DCLK1: variants seen among roughly 807,000 people sequenced by gnomAD.
The protein encoded by DCLK1 is serine/threonine-protein kinase DCLK1.
DCLK1 carries 16 observed loss-of-function variants against 86.2 expected under a neutral mutation model. The ratio of observed to expected loss-of-function variants is 0.19; its 90% confidence interval spans 0.13 to 0.28. The LOEUF (loss-of-function observed/expected upper bound fraction) is 0.28, where lower values mean the gene tolerates loss of function less well. Ranked by LOEUF, DCLK1 falls within the 10% of genes least tolerant of loss-of-function variation. The pLI is 1.00. For synonymous variants in DCLK1, 369 were observed against 370.5 expected (o/e 1.00, Z 0.05); for missense variants, 590 against 940.2 (o/e 0.63, Z 4.87).
chr13:36,072,347 G>A (rs137926247), intron 3 of DCLK1, among the ~76,000 whole-genome samples: 109 of 152,206 alleles, frequency 7.2e-4, no homozygotes, highest in African/African-American at 2.4e-3. Context: ...TTCTTTATAC[G>A]GGTGCCCTTT....
intron 3 of DCLK1, among the ~76,000 whole-genome samples, chr13:36,020,847 C>G (rs1420694515): frequency 6.6e-6 from 1 of 152,100 alleles, no homozygotes; most frequent in East Asian, 1.9e-4. Flanking sequence ...TCATGCCTTA[C>G]AGGAAACACT....
chr13:36,072,570 G>A (rs1258501863), intron 3 of DCLK1, among the ~76,000 whole-genome samples: 2 of 152,146 alleles, frequency 1.3e-5, no homozygotes, highest in African/African-American at 2.4e-5. Flanking sequence ...AACTTCTCTG[G>A]TACAACTAAC....
At chr13:35,958,108 C>CCAT (rs1205907537) in intron 3 of DCLK1, among the ~76,000 whole-genome samples, 4 of 137,166 alleles carry the variant, frequency 2.9e-5, no homozygotes, top group African/African-American at 8.9e-5. Flanking sequence ...GCTATAACCA[C>CCAT]CATCACCACC....
At chr13:35,842,083 GCCAGGCATGGTGGCGGGTGT>G (rs1481594302) in intron 6 of DCLK1, among the ~76,000 whole-genome samples, 1 of 151,712 alleles carries the variant, frequency 6.6e-6, no homozygotes, top group Non-Finnish European at 1.5e-5. Flanking sequence ...AAAAAAATTA[GCCAGGCATGGTGGCGGGTGT>G]CTGTAGTCCC....
intron 3 of DCLK1, among the ~76,000 whole-genome samples, chr13:36,088,978 T>C (rs374275240): frequency 1.3e-5 from 2 of 152,234 alleles, no homozygotes; most frequent in Non-Finnish European, 2.9e-5. Context: ...AAAAAACAGA[T>C]GAAATACCAA....
intron 3 of DCLK1, among the ~76,000 whole-genome samples, chr13:35,993,461 C>T (rs1367774869): frequency 6.6e-6 from 1 of 152,184 alleles, no homozygotes; most frequent in African/African-American, 2.4e-5. Flanking sequence ...CCACCAAAAT[C>T]TGCTGACAGA....
intron 3 of DCLK1, among the ~76,000 whole-genome samples, chr13:36,071,100 C>A (rs911024418): frequency 1.3e-5 from 2 of 152,132 alleles, no homozygotes; most frequent in Admixed American, 1.3e-4. Flanking sequence ...CATTTCTATT[C>A]TTCTGCTTGT....
At chr13:35,907,447 G>A (rs911748187) in intron 4 of DCLK1, among the ~76,000 whole-genome samples, 1 of 150,862 alleles carries the variant, frequency 6.6e-6, no homozygotes, top group East Asian at 1.9e-4. Flanking sequence ...ACAGGCCTAA[G>A]CCACTGTCCC....
chr13:35,910,809 A>G lies in DCLK1; in HGVS notation c.823+36549T>C, dbSNP rs142906734. ...GGAATTTGAGGTGGCAAAAAAGAAGAGCATCCTTCACACAAACCTGCTATC... is the reference window on the plus strand; with the variant it reads ...GGAATTTGAGGTGGCAAAAAAGAAGGGCATCCTTCACACAAACCTGCTATC... On this transcript the variant is annotated intron_variant, in intron 4 of 16. Transcript: ENST00000360631. 1.5e-3 allele frequency among the ~76,000 whole-genome samples: 230 copies of G among 152,322 alleles called. 2 individuals are homozygous for G. The highest frequency in any genetic ancestry group is 5.3e-3 in the African/African-American group (220 of 41,562).
intron 15 of DCLK1, among the ~76,000 whole-genome samples, chr13:35,794,060 A>C (rs1156417001): frequency 1.3e-5 from 2 of 152,192 alleles, no homozygotes; most frequent in African/African-American, 4.8e-5. Context: ...TGTTATTATG[A>C]CATAGTTTAT....
At chr13:35,927,605 G>A (rs1876197449) in intron 4 of DCLK1, among the ~76,000 whole-genome samples, 1 of 152,190 alleles carries the variant, frequency 6.6e-6, no homozygotes, top group South Asian at 2.1e-4. Context: ...TAAAACATGT[G>A]TCTGGTTTTC....
At chr13:35,903,774 A>G (rs1874523328) in intron 4 of DCLK1, among the ~76,000 whole-genome samples, 1 of 152,210 alleles carries the variant, frequency 6.6e-6, no homozygotes, top group South Asian at 2.1e-4. Context: ...ACAAACTACT[A>G]AAAACCACAG....
At chr13:35,850,426 A>G (rs1446547544) in intron 6 of DCLK1, 1 of 1,073,632 alleles carries the variant, frequency 9.3e-7, no homozygotes. Context: ...TGTACTCAAT[A>G]TTGGGTCCGT....
intron 3 of DCLK1, among the ~76,000 whole-genome samples, chr13:36,076,945 C>T (rs1884234753): frequency 6.6e-6 from 1 of 152,150 alleles, no homozygotes; most frequent in Non-Finnish European, 1.5e-5. Context: ...ACCTTTCTGA[C>T]CTTACCTTCC....
intron 15 of DCLK1, among the ~76,000 whole-genome samples, chr13:35,798,255 CTG>C (rs1327548181): frequency 6.6e-6 from 1 of 152,162 alleles, no homozygotes; most frequent in Non-Finnish European, 1.5e-5. Flanking sequence ...TGAAGTCACT[CTG>C]TAGTGTAGAA....
At chr13:36,066,399 C>T (rs1883752844) in intron 3 of DCLK1, among the ~76,000 whole-genome samples, 1 of 152,200 alleles carries the variant, frequency 6.6e-6, no homozygotes. Context: ...GTCTAAATGA[C>T]AGCATTTTCC....
intron 3 of DCLK1, among the ~76,000 whole-genome samples, chr13:36,053,866 G>A (rs1291241803): frequency 6.6e-6 from 1 of 151,968 alleles, no homozygotes; most frequent in Non-Finnish European, 1.5e-5. Flanking sequence ...AGGAGACTCT[G>A]GAATGAAAAG....
chr13:36,041,409 G>A (rs1284113034), intron 3 of DCLK1, among the ~76,000 whole-genome samples: 3 of 152,054 alleles, frequency 2.0e-5, no homozygotes, highest in Admixed American at 6.6e-5. Flanking sequence ...GTACTCCTAC[G>A]GGAAACAACT....
At chr13:36,100,404 T>A (rs1399866456) in intron 3 of DCLK1, among the ~76,000 whole-genome samples, 1 of 151,750 alleles carries the variant, frequency 6.6e-6, no homozygotes, top group Non-Finnish European at 1.5e-5. Context: ...AATGATGATG[T>A]TACCAGGAAA....
Sources: gnomAD v4.1 joint callset for allele counts (sites outside exome capture counted in the v4.1 genomes callset) on GRCh38, gnomAD v4.1.1 for gene constraint, MANE v1.5 for transcripts, NCBI Gene and HGNC (gene_info 2026-07-23, HGNC 2026-07-21) for gene names.